GABPA: variants seen among roughly 807,000 people sequenced by gnomAD.
The protein encoded by GABPA is GA binding protein transcription factor subunit alpha, also known as GA-binding protein alpha chain.
A neutral mutation model predicts 59.4 loss-of-function variants in GABPA; 4 were observed. The ratio of observed to expected loss-of-function variants is 0.07; its 90% CI spans 0.03 to 0.15. The LOEUF is 0.15. Among genes scored for constraint, GABPA ranks in the 10% least tolerant of loss-of-function variants. GABPA has a pLI of 1.00. For synonymous variants in GABPA, 164 were observed against 183.1 expected (o/e 0.90, Z 0.84); for missense variants, 251 against 543.8 (o/e 0.46, Z 5.36).
intron 2 of GABPA, among the ~76,000 whole-genome samples, chr21:25,743,280 T>C (rs2035272020): frequency 6.6e-6 from 1 of 152,184 alleles, no homozygotes; most frequent in Non-Finnish European, 1.5e-5. Flanking sequence ...CATATCACTT[T>C]GTCTTAGTCT....
chr21:25,737,178 A>G (rs1346122693), intron 1 of GABPA, among the ~76,000 whole-genome samples: 1 of 152,238 alleles, frequency 6.6e-6, no homozygotes, highest in Admixed American at 6.5e-5. Context: ...ATCCAGCAGA[A>G]CCAGAGTGTC....
intron 9 of GABPA, among the ~76,000 whole-genome samples, chr21:25,768,034 C>T (rs1480279776): frequency 6.6e-6 from 1 of 152,038 alleles, no homozygotes; most frequent in Admixed American, 6.6e-5. Context: ...AAGGGCTTTG[C>T]AATCTGCCAG....
chr21:25,762,339 T>C lies in GABPA; in HGVS notation c.776T>C (p.Met259Thr). 1.3e-6 allele frequency: 2 copies of C among 1,578,332 alleles called. No individual in the cohort carries two copies. The highest frequency in any genetic ancestry group is 1.7e-6 in the Non-Finnish European group (2 of 1,163,794). ...GTATTGGCAAGTCAAGAACAACAGATGAATGAAATAGTTACAATTGATCAA... is the reference window on the plus strand; with the variant it reads ...GTATTGGCAAGTCAAGAACAACAGACGAATGAAATAGTTACAATTGATCAA... ...KYVLASQEQQ[M>T]NEIVTIDQPV... The change falls in exon 7 of 10, where the codon ATG (methionine) becomes ACG (threonine). Residue 259 changes from methionine (M) to threonine (T), a missense_variant. By Grantham distance (81) the Met-to-Thr change is moderately conservative. Transcript: ENST00000400075.
chr21:25,744,318 ACT>A (rs1046847819), intron 2 of GABPA, among the ~76,000 whole-genome samples: 3 of 151,812 alleles, frequency 2.0e-5, no homozygotes, highest in Non-Finnish European at 2.9e-5. Flanking sequence ...ACATAGGGAG[ACT>A]CTCTCTAAAA....
Position 25,735,088 on chromosome 21 carries a change from C to G in GABPA, c.-517C>G, listed in dbSNP as rs1192622093. ...AGTGGAGGGTAAGTGCTTCCGGGTCCCCTGGCACAGCCTCCGCCATCTTTT... is the reference window on the plus strand; with the variant it reads ...AGTGGAGGGTAAGTGCTTCCGGGTCGCCTGGCACAGCCTCCGCCATCTTTT... On this transcript the variant is annotated 5_prime_UTR_variant, in exon 1 of 10. Transcript: ENST00000400075. The G allele has an allele frequency of 2.3e-6, 2 of 882,950 alleles. No individual in the cohort carries two copies. The highest frequency in any genetic ancestry group is 3.3e-5 in the African/African-American group (2 of 60,312). 54.7% of individuals were successfully genotyped at this position (882,950 alleles called of 1,614,324 possible). A position where few individuals can be genotyped will look rare whatever the true frequency, so the allele number is the denominator to read the frequency against.
At chr21:25,735,770 G>A (rs1477746740) in intron 1 of GABPA, 192 bp downstream of exon 1, 4 of 149,104 alleles carry the variant, frequency 2.7e-5, no homozygotes, top group African/African-American at 9.9e-5. Context: ...GGAGAGCTGT[G>A]CGGGGAGCGA....
At chr21:25,737,181 A>G (rs1231700019) in intron 1 of GABPA, among the ~76,000 whole-genome samples, 1 of 152,252 alleles carries the variant, frequency 6.6e-6, no homozygotes, top group Non-Finnish European at 1.5e-5. Context: ...CAGCAGAACC[A>G]GAGTGTCAAA....
chr21:25,746,009 CT>C (rs11311476), intron 3 of GABPA, among the ~76,000 whole-genome samples: 35,239 of 148,394 alleles, frequency 0.24, 4,959 homozygotes, highest in African/African-American at 0.4. Context: ...GAGTTTTATA[CT>C]TTTTTTTTTT....
Position 25,771,649 on chromosome 21 carries a change from TG to T in GABPA, c.*2418del, listed in dbSNP as rs2036013393. The T allele has an allele frequency of 6.6e-6, 1 of 152,062 alleles. No individual in the cohort carries two copies. The highest frequency in any genetic ancestry group is 2.1e-4 in the South Asian group (1 of 4,834). The allele number at this position is 152,062 out of a possible 1,614,324, so 9.4% of individuals were successfully genotyped here. A position where few individuals can be genotyped will look rare whatever the true frequency, so the allele number is the denominator to read the frequency against. On this transcript the variant is annotated 3_prime_UTR_variant, in exon 10 of 10. Transcript: ENST00000400075. Reference sequence around the variant, plus strand: ...ATAAAATTTATGCTATTCTTTGCTTTGTTTTTATAAATGAATTTTTCATAGA... The same window carrying T: ...ATAAAATTTATGCTATTCTTTGCTTTTTTTTATAAATGAATTTTTCATAGA...
At chr21:25,765,422 C>A (rs1339623765) in intron 9 of GABPA, among the ~76,000 whole-genome samples, 1 of 151,908 alleles carries the variant, frequency 6.6e-6, no homozygotes, top group Non-Finnish European at 1.5e-5. Flanking sequence ...ACTGCTTCTT[C>A]ATGTTTCACT....
intron 4 of GABPA, among the ~76,000 whole-genome samples, chr21:25,749,451 A>G (rs13048710): frequency 0.091 from 13,905 of 152,246 alleles, 796 homozygotes; most frequent in African/African-American, 0.16. Context: ...CTGCCCTGCC[A>G]TGATCTGGAA....
chr21:25,744,390 A>G (rs144175369), intron 2 of GABPA, among the ~76,000 whole-genome samples: 1 of 152,298 alleles, frequency 6.6e-6, no homozygotes, highest in Non-Finnish European at 1.5e-5. Flanking sequence ...ATTGAATATC[A>G]TGTATGTATC....
At chr21:25,743,877 C>T (rs1396149359) in intron 2 of GABPA, among the ~76,000 whole-genome samples, 2 of 151,988 alleles carry the variant, frequency 1.3e-5, no homozygotes, top group African/African-American at 4.8e-5. Context: ...ATGCCAGTCT[C>T]TACAAAAAAT....
intron 5 of GABPA, chr21:25,752,469 A>C (rs894955752): frequency 2.1e-5 from 10 of 482,866 alleles, no homozygotes; most frequent in African/African-American, 1.7e-4. Context: ...GGGTGTTGAG[A>C]GTGTAGTTGA....
At chr21:25,759,592 C>G (rs958330547) in intron 6 of GABPA, among the ~76,000 whole-genome samples, 11 of 151,990 alleles carry the variant, frequency 7.2e-5, no homozygotes, top group African/African-American at 2.7e-4. Flanking sequence ...TGAGGATTCT[C>G]CCAGATGTTT....
At chr21:25,768,928 T>A in intron 9 of GABPA, 76 bp from the exon 10 acceptor site, 1 of 945,632 alleles carries the variant, frequency 1.1e-6, no homozygotes, top group African/African-American at 1.7e-5. Context: ...GGCTTCTGCT[T>A]ATGGAATAGT....
In GABPA at chr21:25,769,133, A is replaced by G. The variant is rs973199308; in HGVS notation, c.1266A>G (p.Glu422=). The change falls in exon 10 of 10, where the codon GAA becomes GAG. Residue 422 remains glutamate (E), a synonymous_variant. Coordinates refer to ENST00000400075, the MANE Select transcript of GABPA (RefSeq NM_002040.4). ...AELNRLVTEC[E]QKKLAKMQLH... Reference sequence around the variant, plus strand: ...TGAACCGTTTGGTCACAGAATGTGAACAGAAGAAACTTGCAAAGATGCAGC... The same window carrying G: ...TGAACCGTTTGGTCACAGAATGTGAGCAGAAGAAACTTGCAAAGATGCAGC... The G allele has an allele frequency of 1.9e-6, 3 of 1,611,356 alleles. No homozygotes were observed. The highest frequency in any genetic ancestry group is 2.5e-6 in the Non-Finnish European group (3 of 1,177,546).
chr21:25,747,977 G>A (rs998998204), intron 3 of GABPA, among the ~76,000 whole-genome samples: 1 of 152,000 alleles, frequency 6.6e-6, no homozygotes, highest in African/African-American at 2.4e-5. Flanking sequence ...GTGCAGTGGC[G>A]CTCACTGCAA....
intron 4 of GABPA, among the ~76,000 whole-genome samples, chr21:25,750,355 C>T (rs1400516061): frequency 6.6e-6 from 1 of 152,170 alleles, no homozygotes; most frequent in Non-Finnish European, 1.5e-5. Flanking sequence ...CTCTGATCTG[C>T]CTGCTTGTCC....
Sources: allele counts gnomAD v4.1 joint callset (sites outside exome capture counted in the v4.1 genomes callset), GRCh38; gene constraint gnomAD v4.1.1; transcripts MANE v1.5; gene names NCBI Gene and HGNC (gene_info 2026-07-23, HGNC 2026-07-21).